Variants in AFF3 observed in about 807,000 individuals in gnomAD.
AFF3 encodes the protein ALF transcription elongation factor 3.
Under a neutral mutation model 129.7 loss-of-function variants are expected in AFF3, and 32 were observed. That is an observed-to-expected ratio of 0.25 (90% CI 0.19 to 0.33). AFF3 has a LOEUF of 0.33. Ranked by LOEUF, AFF3 falls within the 10% of genes least tolerant of loss-of-function variation. AFF3 has a pLI of 1.00. For missense variants in AFF3, 1,373 were observed against 1,592.0 expected (o/e 0.86, Z 2.34); for synonymous variants, 644 against 635.4 (o/e 1.01, Z -0.20).
intron 4 of AFF3, among the ~76,000 whole-genome samples, chr2:100,048,806 C>G (rs1686045507): frequency 6.6e-6 from 1 of 152,018 alleles, no homozygotes; most frequent in African/African-American, 2.4e-5. Flanking sequence ...AATCTATAAC[C>G]AAAATTAACA....
At chr2:100,063,252 CAAA>C (rs33964775) in intron 4 of AFF3, among the ~76,000 whole-genome samples, 1 of 101,808 alleles carries the variant, frequency 9.8e-6, no homozygotes, top group African/African-American at 3.9e-5. Context: ...AACTCCATCT[CAAA>C]AAAAAAAAAA....
At chr2:99,987,799 G>A (rs1388328382) in intron 7 of AFF3, among the ~76,000 whole-genome samples, 1 of 152,156 alleles carries the variant, frequency 6.6e-6, no homozygotes, top group Non-Finnish European at 1.5e-5. Flanking sequence ...TGTCCAGGCA[G>A]AACTCTGACA....
chr2:99,732,104 C>T (rs1028976470), intron 10 of AFF3, among the ~76,000 whole-genome samples: 2 of 152,138 alleles, frequency 1.3e-5, no homozygotes, highest in African/African-American at 2.4e-5. Flanking sequence ...CCTGTAATCC[C>T]AGCACTTTGG....
chr2:99,973,078 A>G (rs191207071), intron 7 of AFF3, among the ~76,000 whole-genome samples: 4 of 152,184 alleles, frequency 2.6e-5, no homozygotes, highest in Non-Finnish European at 4.4e-5. Flanking sequence ...AAAACAACAC[A>G]TGATACCTGT....
At chr2:99,565,739 G>A in intron 19 of AFF3, 116 bp from the exon 20 acceptor site, 1 of 1,113,878 alleles carries the variant, frequency 9.0e-7, no homozygotes, top group South Asian at 1.7e-5. Context: ...AAAATCCTAT[G>A]AAGCTGAGAG....
intron 7 of AFF3, among the ~76,000 whole-genome samples, chr2:99,951,956 C>CT (rs1310727143): frequency 6.6e-6 from 1 of 152,204 alleles, no homozygotes; most frequent in Non-Finnish European, 1.5e-5. Flanking sequence ...ACTGAAATCT[C>CT]TGAGAATAAC....
chr2:99,608,879 AAC>A (rs1680635783), intron 13 of AFF3, among the ~76,000 whole-genome samples: 1 of 152,228 alleles, frequency 6.6e-6, no homozygotes, highest in Admixed American at 6.5e-5. Flanking sequence ...TGGTAAAGAA[AAC>A]ACACGTGGGT....
chr2:99,978,785 T>C (rs149751124), intron 7 of AFF3, among the ~76,000 whole-genome samples: 3 of 152,254 alleles, frequency 2.0e-5, no homozygotes, highest in Non-Finnish European at 4.4e-5. Flanking sequence ...TCCCACCACG[T>C]GAGGATACAG....
At chr2:99,712,717 CAT>C (rs142445395) in intron 11 of AFF3, among the ~76,000 whole-genome samples, 3,427 of 152,260 alleles carry the variant, frequency 0.023, 45 homozygotes, top group Middle Eastern at 0.041. Flanking sequence ...AGGTTATAGT[CAT>C]AAAGTTTTGA....
chr2:100,077,432 C>G (rs1573357108), intron 4 of AFF3, among the ~76,000 whole-genome samples: 1 of 151,972 alleles, frequency 6.6e-6, no homozygotes, highest in South Asian at 2.1e-4. Context: ...CCTCTAGAAG[C>G]TGGAAATAGC....
chr2:99,913,112 A>G (rs1425795275), intron 7 of AFF3, among the ~76,000 whole-genome samples: 1 of 152,224 alleles, frequency 6.6e-6, no homozygotes, highest in African/African-American at 2.4e-5. Flanking sequence ...AAGAAAGAAG[A>G]GAAGGAAGTA....
intron 7 of AFF3, among the ~76,000 whole-genome samples, chr2:99,870,072 C>A (rs552241805): frequency 6.6e-6 from 1 of 152,144 alleles, no homozygotes; most frequent in Non-Finnish European, 1.5e-5. Flanking sequence ...TCTGGTCTTG[C>A]GGGTCAGTCT....
chr2:99,631,590 G>A (rs2105393724), intron 13 of AFF3, among the ~76,000 whole-genome samples: 1 of 152,256 alleles, frequency 6.6e-6, no homozygotes, highest in Middle Eastern at 3.4e-3. Flanking sequence ...GCATATAAGT[G>A]GAATCATACA....
chr2:99,929,689 A>G (rs370083017), intron 7 of AFF3, among the ~76,000 whole-genome samples: 15 of 152,306 alleles, frequency 9.8e-5, no homozygotes, highest in African/African-American at 3.6e-4. Context: ...TTTAGACTCC[A>G]AGTTCACAGT....
intron 7 of AFF3, among the ~76,000 whole-genome samples, chr2:99,869,112 A>C (rs1318362853): frequency 1.3e-5 from 2 of 152,024 alleles, no homozygotes; most frequent in Non-Finnish European, 2.9e-5. Context: ...TCCTATTTTT[A>C]ATATAAGTTC....
chr2:99,997,786 C>A (rs150608749), intron 7 of AFF3, among the ~76,000 whole-genome samples: 1 of 152,324 alleles, frequency 6.6e-6, no homozygotes, highest in East Asian at 1.9e-4. Context: ...AGCCTTCACT[C>A]CAGCTTTCCA....
At chr2:99,758,527 A>G (rs1374673946) in intron 8 of AFF3, among the ~76,000 whole-genome samples, 1 of 143,400 alleles carries the variant, frequency 7.0e-6, no homozygotes, top group Non-Finnish European at 1.5e-5. Context: ...CAGAGGTTGC[A>G]GTGAGCCGAA....
chr2:99,764,253 C>T (rs1575909227), intron 8 of AFF3, among the ~76,000 whole-genome samples: 1 of 152,278 alleles, frequency 6.6e-6, no homozygotes, highest in Middle Eastern at 3.4e-3. Context: ...CAATTCCATG[C>T]CACTGGAGAC....
At chr2:99,625,033 G>C (rs1045490133) in intron 13 of AFF3, among the ~76,000 whole-genome samples, 9 of 152,200 alleles carry the variant, frequency 5.9e-5, no homozygotes, top group South Asian at 2.1e-4. Flanking sequence ...AGCTCCTGCT[G>C]GAAGTGAGAT....
Sources: gnomAD v4.1 joint callset for allele counts (sites outside exome capture counted in the v4.1 genomes callset) on GRCh38, gnomAD v4.1.1 for gene constraint, MANE v1.5 for transcripts, NCBI Gene and HGNC (gene_info 2026-07-23, HGNC 2026-07-21) for gene names.